The following MBD5 variants were observed in gnomAD, a reference collection of about 807,000 sequenced individuals.
MBD5 encodes methyl-CpG-binding domain protein 5.
MBD5 carries 13 observed loss-of-function variants against 117.3 expected under a neutral mutation model. The ratio of observed to expected loss-of-function variants is 0.11; its 90% confidence interval spans 0.07 to 0.18. The LOEUF (loss-of-function observed/expected upper bound fraction) is 0.18. MBD5 is among the 10% of genes least tolerant of loss of function. The pLI, the probability that MBD5 is intolerant of heterozygous loss-of-function variation, is 1.00. For synonymous variants in MBD5, 727 were observed against 766.4 expected (o/e 0.95, Z 0.85); for missense variants, 1,879 against 2,093.8 (o/e 0.90, Z 2.00).
At chr2:148,364,292 G>T (rs1297388938) in intron 4 of MBD5, among the ~76,000 whole-genome samples, 1 of 152,152 alleles carries the variant, frequency 6.6e-6, no homozygotes, top group Non-Finnish European at 1.5e-5. Flanking sequence ...ACAAGCAAAT[G>T]CTGAGAGATT....
rs77998106 is a variant in MBD5, at chr2:148,408,492, A to C, written c.-556-49711A>C. On this transcript the variant is annotated intron_variant, in intron 4 of 13. Coordinates refer to ENST00000642680, the MANE Select transcript of MBD5 (RefSeq NM_001378120.1). ...TAATTTTAAGCATTTTGTGTCATCA[A>C]ATAAAAATCTTGGATTATAATCTAT... Among the ~76,000 whole-genome samples, 1,330 of 152,296 alleles carry C rather than the reference A, an allele frequency of 8.7e-3. 19 individuals are homozygous for C. The highest frequency in any genetic ancestry group is 0.031 in the African/African-American group (1,274 of 41,564).
At chr2:148,367,218 G>A (rs1257837710) in intron 4 of MBD5, among the ~76,000 whole-genome samples, 2 of 152,114 alleles carry the variant, frequency 1.3e-5, no homozygotes, top group African/African-American at 2.4e-5. Flanking sequence ...ACAAAAACAA[G>A]CAATGGGGAA....
chr2:148,366,055 A>G (rs752054548), intron 4 of MBD5, among the ~76,000 whole-genome samples: 56 of 152,250 alleles, frequency 3.7e-4, no homozygotes, highest in Non-Finnish European at 1.5e-4. Context: ...ATCCTTGATG[A>G]ATATCGATGT....
intron 4 of MBD5, among the ~76,000 whole-genome samples, chr2:148,419,397 C>T (rs1394912946): frequency 1.3e-5 from 2 of 152,108 alleles, no homozygotes; most frequent in Admixed American, 1.3e-4. Flanking sequence ...TTTTAAAAAG[C>T]ACATATATTT....
At chr2:148,500,255 CTGTG>C (rs1260695565) in intron 11 of MBD5, among the ~76,000 whole-genome samples, 3 of 151,052 alleles carry the variant, frequency 2.0e-5, no homozygotes, top group Non-Finnish European at 4.4e-5. Context: ...TTGAGTGTGC[CTGTG>C]TGTGTGTATT....
At chr2:148,294,509 T>TTTTTTGTTTTTTTTTTTTTTGTTTG (rs750245317) in intron 3 of MBD5, among the ~76,000 whole-genome samples, 87 of 130,050 alleles carry the variant, frequency 6.7e-4, no homozygotes, top group Non-Finnish European at 1.3e-3. Context: ...CAGTTTTTTT[T>TTTTTTGTTTTTTTTTTTTTTGTTTG]TTTTTTTTTT....
chr2:148,420,274 C>A (rs1211416983), intron 4 of MBD5, among the ~76,000 whole-genome samples: 2 of 152,154 alleles, frequency 1.3e-5, no homozygotes, highest in Non-Finnish European at 2.9e-5. Context: ...ACTGCAACTT[C>A]TTTAACTTCA....
chr2:148,415,471 C>A (rs551301913), intron 4 of MBD5, among the ~76,000 whole-genome samples: 1 of 152,158 alleles, frequency 6.6e-6, no homozygotes, highest in Non-Finnish European at 1.5e-5. Flanking sequence ...TAGTGTCTTG[C>A]AGGGGTTCTT....
intron 11 of MBD5, among the ~76,000 whole-genome samples, chr2:148,496,444 G>A (rs562657115): frequency 6.6e-6 from 1 of 152,076 alleles, no homozygotes; most frequent in African/African-American, 2.4e-5. Context: ...CTTTTTTCCT[G>A]AGCCAGATTA....
intron 2 of MBD5, among the ~76,000 whole-genome samples, chr2:148,224,789 A>C (rs1699779108): frequency 6.6e-6 from 1 of 151,860 alleles, no homozygotes; most frequent in African/African-American, 2.4e-5. Flanking sequence ...TTTTTTGCTG[A>C]ATTGACCCCT....
chr2:148,071,181 G>A (rs1465739042), intron 1 of MBD5: 2 of 151,792 alleles, frequency 1.3e-5, no homozygotes, highest in Non-Finnish European at 2.9e-5. Context: ...CAAAATAACA[G>A]ACATATATTA....
At chr2:148,342,940 CTAGT>C (rs1292954273) in intron 4 of MBD5, among the ~76,000 whole-genome samples, 1 of 151,942 alleles carries the variant, frequency 6.6e-6, no homozygotes, top group Non-Finnish European at 1.5e-5. Context: ...CCTTTCCCCT[CTAGT>C]AGTCCCTGTT....
chr2:148,458,733 T>C lies in MBD5; in HGVS notation c.-26T>C, dbSNP rs1429667236. The C allele has an allele frequency of 2.5e-6, 4 of 1,577,866 alleles. No homozygotes were observed. The highest frequency in any genetic ancestry group is 8.7e-7 in the Non-Finnish European group (1 of 1,147,074). ...GATATCATCTTATTGCTGATATCTT[T>C]GGAGAGTCCCTAGCAGACACAGAAA... On this transcript the variant is annotated 5_prime_UTR_variant, in exon 5 of 14. Coordinates refer to ENST00000642680, the MANE Select transcript of MBD5 (RefSeq NM_001378120.1).
intron 1 of MBD5, among the ~76,000 whole-genome samples, chr2:148,145,186 A>G (rs1181551368): frequency 6.6e-6 from 1 of 152,014 alleles, no homozygotes; most frequent in East Asian, 1.9e-4. Context: ...TTGGATTCCT[A>G]GGTGTTTTGT....
chr2:148,499,073 G>T (rs977277168), intron 11 of MBD5, among the ~76,000 whole-genome samples: 4 of 152,098 alleles, frequency 2.6e-5, no homozygotes, highest in Admixed American at 1.3e-4. Context: ...CAAGCAGATC[G>T]CTTGAGCCCA....
intron 4 of MBD5, among the ~76,000 whole-genome samples, chr2:148,364,041 C>T (rs571272169): frequency 2.1e-4 from 32 of 152,154 alleles, no homozygotes; most frequent in Admixed American, 1.5e-3. Context: ...GACACATAAT[C>T]GACAGATTCG....
intron 3 of MBD5, among the ~76,000 whole-genome samples, chr2:148,257,067 G>A (rs1271699077): frequency 1.3e-5 from 2 of 152,186 alleles, no homozygotes; most frequent in Non-Finnish European, 2.9e-5. Flanking sequence ...ATATATAGCT[G>A]CTAGCTGTTT....
intron 3 of MBD5, chr2:148,296,414 A>G (rs1454254571): frequency 6.4e-6 from 1 of 155,258 alleles, no homozygotes; most frequent in African/African-American, 2.4e-5. Context: ...TGCTGAGCAC[A>G]TTAAAATTTT....
At chr2:148,214,325 A>G (rs1290478644) in intron 2 of MBD5, among the ~76,000 whole-genome samples, 1 of 152,212 alleles carries the variant, frequency 6.6e-6, no homozygotes, top group Non-Finnish European at 1.5e-5. Flanking sequence ...GTATTTATAG[A>G]CACTGAAATT....
Sources: gnomAD v4.1 joint callset for allele counts (sites outside exome capture counted in the v4.1 genomes callset) on GRCh38, gnomAD v4.1.1 for gene constraint, MANE v1.5 for transcripts, NCBI Gene and HGNC (gene_info 2026-07-23, HGNC 2026-07-21) for gene names.